Variants in ICA1 observed in about 807,000 individuals in gnomAD.
ICA1 encodes the protein 69 kDa islet cell autoantigen.
ICA1 carries 40 observed loss-of-function variants against 71.0 expected under a neutral mutation model. That is an observed-to-expected ratio of 0.56 (90% CI 0.44 to 0.73). The LOEUF is 0.73. Ranked by LOEUF, ICA1 falls within the 30% of genes least tolerant of loss-of-function variation. The pLI is 0.00. For missense variants in ICA1, 578 were observed against 576.5 expected (o/e 1.00, Z -0.03); for synonymous variants, 207 against 209.5 (o/e 0.99, Z 0.10).
rs1785043982 is a variant in ICA1, at chr7:8,189,895, G to C, written c.579+28410C>G. Among the ~76,000 whole-genome samples the C allele has an allele frequency of 3.3e-5, 5 of 152,180 alleles. No individual in the cohort carries two copies. In the South Asian group the frequency reaches 1.0e-3, roughly 32 times the overall value. On this transcript the variant is annotated intron_variant, in intron 6 of 13. Transcript: ENST00000402384. ...GTAAGTTGGGAACTGTCTGTACTTA[G>C]AAAGGCGGATTTCAAGAGGTAGGGG... is the stretch of plus-strand genomic sequence containing the variant.
intron 9 of ICA1, 47 bp from the exon 10 acceptor site, chr7:8,141,864 A>C: frequency 7.1e-7 from 1 of 1,418,166 alleles, no homozygotes; most frequent in Non-Finnish European, 9.9e-7. Flanking sequence ...CCAATGTTAT[A>C]TTTATGATAC....
At chr7:8,120,184 G>C (rs1786336500) in intron 13 of ICA1, among the ~76,000 whole-genome samples, 1 of 152,200 alleles carries the variant, frequency 6.6e-6, no homozygotes, top group South Asian at 2.1e-4. Context: ...TTTCCCCGTA[G>C]TGTGAGGCAG....
At chr7:8,143,692 T>C (rs1795958340) in intron 9 of ICA1, among the ~76,000 whole-genome samples, 183 bp downstream of exon 9, 1 of 152,154 alleles carries the variant, frequency 6.6e-6, no homozygotes, top group Non-Finnish European at 1.5e-5. Flanking sequence ...CTGGGATACG[T>C]GAGTCATGAC....
At chr7:8,127,409 G>A (rs1313949510) in intron 13 of ICA1, among the ~76,000 whole-genome samples, 2 of 152,078 alleles carry the variant, frequency 1.3e-5, no homozygotes, top group African/African-American at 2.4e-5. Context: ...GGTCCTCAGG[G>A]GAGAGGTGGA....
intron 6 of ICA1, among the ~76,000 whole-genome samples, chr7:8,189,978 G>A (rs541444557): frequency 9.8e-5 from 15 of 152,330 alleles, no homozygotes; most frequent in Middle Eastern, 3.4e-3. Context: ...AATGAAGTAA[G>A]CCACTAATTG....
At chr7:8,167,933 C>A (rs1806705771) in intron 6 of ICA1, among the ~76,000 whole-genome samples, 1 of 151,964 alleles carries the variant, frequency 6.6e-6, no homozygotes, top group South Asian at 2.1e-4. Flanking sequence ...GACAATCTTG[C>A]CATTTAAATT....
rs367581899 is a variant in ICA1, at chr7:8,232,730, G to A, written c.43C>T (p.Arg15Ter). Reference protein sequence around the residue: ...KCSYPWDLQDRYAQDKSVVNK... With the variant: ...KCSYPWDLQD The stretch of plus-strand genomic sequence containing the variant: ...ACAACTGACTTATCTTGAGCATATC[G>A]ATCCTGTAAGTCCCAGGGATAACTG... The change falls in exon 3 of 14, where the codon CGA becomes TGA. Residue 15 changes from arginine to a stop codon, truncating the protein, a stop_gained. Coordinates refer to ENST00000402384, the MANE Select transcript of ICA1 (RefSeq NM_001136020.3). LOFTEE classifies it high-confidence loss of function. The A allele has an allele frequency of 8.1e-6, 13 of 1,603,208 alleles. No individual in the cohort carries two copies. Among genetic ancestry groups the A allele is most frequent in the South Asian group, 2.3e-5 (2 of 88,182 alleles).
At chr7:8,152,149 G>C (rs938759266) in intron 8 of ICA1, among the ~76,000 whole-genome samples, 1 of 152,074 alleles carries the variant, frequency 6.6e-6, no homozygotes, top group African/African-American at 2.4e-5. Flanking sequence ...TTTGGGAATC[G>C]AGCTGCCAGA....
At chr7:8,218,188 T>C (rs1795957323) in intron 6 of ICA1, 117 bp downstream of exon 6, 3 of 815,936 alleles carry the variant, frequency 3.7e-6, no homozygotes, top group Admixed American at 2.1e-5. Context: ...ACACCAGCGA[T>C]GATTAATTGC....
intron 6 of ICA1, among the ~76,000 whole-genome samples, chr7:8,216,790 A>G (rs1795550058): frequency 6.6e-6 from 1 of 152,186 alleles, no homozygotes; most frequent in African/African-American, 2.4e-5. Flanking sequence ...TCTGACTCTC[A>G]TTTACCTCTC....
chr7:8,227,605 CTT>C (rs752042709), intron 4 of ICA1: 1,887 of 308,638 alleles, frequency 6.1e-3, no homozygotes, highest in South Asian at 7.4e-3. Context: ...AAGTAGTTGT[CTT>C]TTTTTTTTTT....
intron 1 of ICA1, among the ~76,000 whole-genome samples, chr7:8,255,098 C>T (rs1180941266): frequency 6.6e-6 from 1 of 152,186 alleles, no homozygotes; most frequent in Non-Finnish European, 1.5e-5. Flanking sequence ...CACTCTTACC[C>T]CTGCCCACCT....
intron 1 of ICA1, among the ~76,000 whole-genome samples, chr7:8,255,493 C>T (rs1410110024): frequency 6.6e-6 from 1 of 152,174 alleles, no homozygotes; most frequent in Non-Finnish European, 1.5e-5. Flanking sequence ...TACTTGCTCT[C>T]ATTAGGTGAT....
chr7:8,174,296 G>A (rs185281272), intron 6 of ICA1, among the ~76,000 whole-genome samples: 119 of 152,222 alleles, frequency 7.8e-4, no homozygotes, highest in East Asian at 5.0e-3. Context: ...CTTAATGGGT[G>A]ATTGAAAAAC....
At chr7:8,156,040 G>A (rs535002965) in intron 8 of ICA1, among the ~76,000 whole-genome samples, 8 of 152,330 alleles carry the variant, frequency 5.3e-5, no homozygotes, top group South Asian at 2.1e-4. Flanking sequence ...ATGGGCGGGC[G>A]GCCAGCTGGG....
intron 7 of ICA1, among the ~76,000 whole-genome samples, chr7:8,158,084 A>G (rs1403189117): frequency 6.6e-6 from 1 of 152,162 alleles, no homozygotes; most frequent in Non-Finnish European, 1.5e-5. Flanking sequence ...TGTTATCCGG[A>G]AGGAACTCAG....
intron 6 of ICA1, among the ~76,000 whole-genome samples, chr7:8,178,437 G>A (rs978441495): frequency 2.0e-5 from 3 of 152,136 alleles, no homozygotes; most frequent in African/African-American, 4.8e-5. Flanking sequence ...TGTTGCCCCA[G>A]TACTGATAGT....
At chr7:8,134,101 G>A (rs1423214711) in intron 12 of ICA1, among the ~76,000 whole-genome samples, 1 of 152,076 alleles carries the variant, frequency 6.6e-6, no homozygotes, top group African/African-American at 2.4e-5. Context: ...AAGTGTTGAG[G>A]GTTTCTAAGG....
chr7:8,148,722 G>C (rs538071393), intron 8 of ICA1, among the ~76,000 whole-genome samples: 39 of 152,090 alleles, frequency 2.6e-4, no homozygotes, highest in African/African-American at 8.4e-4. Flanking sequence ...AGAATTTGTA[G>C]ACCAAACGAA....
Sources: gnomAD v4.1 joint callset for allele counts (sites outside exome capture counted in the v4.1 genomes callset) on GRCh38, gnomAD v4.1.1 for gene constraint, MANE v1.5 for transcripts, NCBI Gene and HGNC (gene_info 2026-07-23, HGNC 2026-07-21) for gene names.